The following BLTP2 variants were observed in gnomAD, a reference collection of about 807,000 sequenced individuals.
The protein encoded by BLTP2 is U937-associated antigen.
At chr17:28,624,313 C>G in the BLTP2 span, 1 of 1,614,146 alleles carries the variant, frequency 6.2e-7, no homozygotes, top group South Asian at 1.1e-5. Context: ...CACAACTGGT[C>G]ACTCATGCCT....
the BLTP2 span, chr17:28,640,404 T>C: frequency 2.7e-6 from 2 of 748,992 alleles, no homozygotes; most frequent in Non-Finnish European, 2.2e-6. Flanking sequence ...AAAATAATAA[T>C]AATTTTTTTA....
At chr17:28,615,278 T>G in the BLTP2 span, 6 of 1,537,686 alleles carry the variant, frequency 3.9e-6, no homozygotes, top group South Asian at 7.1e-5. Flanking sequence ...AAAGAAAATG[T>G]AAATATTAGT....
At chr17:28,634,406 A>AC in the BLTP2 span, 2 of 770,598 alleles carry the variant, frequency 2.6e-6, no homozygotes, top group Non-Finnish European at 4.1e-6. Flanking sequence ...CACTCCACCC[A>AC]CCCAAAACGG....
At chr17:28,615,525 A>G in the BLTP2 span, 1 of 990,644 alleles carries the variant, frequency 1.0e-6, no homozygotes, top group South Asian at 1.6e-5. Flanking sequence ...TGGAGAGGGT[A>G]GGCATAGAAG....
At chr17:28,622,104 G>T in the BLTP2 span, among the ~76,000 whole-genome samples, 2 of 152,102 alleles carry the variant, frequency 1.3e-5, no homozygotes, top group Admixed American at 1.3e-4. Flanking sequence ...GGGGCGGGGG[G>T]AAAGAGTTCA....
the BLTP2 span, chr17:28,643,219 C>T: frequency 6.2e-7 from 1 of 1,614,180 alleles, no homozygotes; most frequent in Non-Finnish European, 8.5e-7. Context: ...TTGATCCACC[C>T]CAGCGCTCTG....
the BLTP2 span, chr17:28,616,331 G>T: frequency 6.2e-7 from 1 of 1,613,236 alleles, no homozygotes; most frequent in South Asian, 1.1e-5. This position sits in a 1 kb window ranked among gnomAD's most constrained non-coding sequence, Gnocchi z 4.8. Flanking sequence ...CACCAAACAG[G>T]ACCTCAAGAC....
chr17:28,628,018 T>C, the BLTP2 span, among the ~76,000 whole-genome samples: 1 of 152,166 alleles, frequency 6.6e-6, no homozygotes, highest in African/African-American at 2.4e-5. Context: ...TTCTTTCCCT[T>C]ACTCATCTTG....
chr17:28,645,111 C>CTTGGCCCCG, the BLTP2 span: 1 of 1,505,492 alleles, frequency 6.6e-7, no homozygotes, highest in Non-Finnish European at 9.0e-7. Context: ...CGGGCCCCGA[C>CTTGGCCCCG]GCCGGATCCG....
the BLTP2 span, chr17:28,628,313 C>A: frequency 2.5e-6 from 4 of 1,614,168 alleles, no homozygotes; most frequent in Non-Finnish European, 3.4e-6. Flanking sequence ...GGAGTGTTAA[C>A]ACGAGGTGGG....
At chr17:28,632,953 C>T in the BLTP2 span, 8 of 1,533,248 alleles carry the variant, frequency 5.2e-6, no homozygotes, top group East Asian at 2.3e-5. Flanking sequence ...TCCACTGTGC[C>T]GAGTCAGATC....
At chr17:28,616,361 CA>C in the BLTP2 span, 11 of 1,613,940 alleles carry the variant, frequency 6.8e-6, no homozygotes, top group African/African-American at 1.3e-5. This position sits in a 1 kb window ranked among gnomAD's most constrained non-coding sequence, Gnocchi z 4.8. Context: ...TTTCTATCAT[CA>C]GGGGCATGTT....
At chr17:28,639,287 G>A in the BLTP2 span, 2 of 1,612,548 alleles carry the variant, frequency 1.2e-6, no homozygotes, top group Admixed American at 3.3e-5. Flanking sequence ...CAACTGACAA[G>A]AAGGTGGCTG....
At chr17:28,626,460 G>A in the BLTP2 span, among the ~76,000 whole-genome samples, 1 of 152,164 alleles carries the variant, frequency 6.6e-6, no homozygotes, top group Non-Finnish European at 1.5e-5. Context: ...GTCTTTTTGT[G>A]TGCTGAGTTG....
At chr17:28,643,635 T>C in the BLTP2 span, 3 of 1,614,144 alleles carry the variant, frequency 1.9e-6, no homozygotes, top group South Asian at 2.2e-5. Flanking sequence ...AGGAGTTTGC[T>C]GGAAATCCAC....
At chr17:28,616,429 C>A in the BLTP2 span, 1 of 1,614,162 alleles carries the variant, frequency 6.2e-7, no homozygotes, top group Non-Finnish European at 8.5e-7. This position sits in a 1 kb window ranked among gnomAD's most constrained non-coding sequence, Gnocchi z 4.8. Flanking sequence ...CGAGTCAAAC[C>A]CTGTGCCACA....
At chr17:28,624,431 A>T in the BLTP2 span, 88 of 1,585,678 alleles carry the variant, frequency 5.5e-5, no homozygotes, top group African/African-American at 9.3e-4. Context: ...CACAGTCTCA[A>T]AGGGAAAGAC....
chr17:28,625,059 C>T, the BLTP2 span, among the ~76,000 whole-genome samples: 7 of 152,180 alleles, frequency 4.6e-5, no homozygotes, highest in South Asian at 1.5e-3. Context: ...TTAACGGGGC[C>T]AGGCGCGGTG....
At chr17:28,620,750 CT>C in the BLTP2 span, 2 of 1,156,292 alleles carry the variant, frequency 1.7e-6, no homozygotes, top group Non-Finnish European at 2.5e-6. Context: ...GTGAGAGTTG[CT>C]CATGGGCAGA....
Sources: allele counts gnomAD v4.1 joint callset (sites outside exome capture counted in the v4.1 genomes callset), GRCh38; gene constraint gnomAD v4.1.1; non-coding constraint Gnocchi (gnomAD v3.1); transcripts MANE v1.5; gene names NCBI Gene and HGNC (gene_info 2026-07-23, HGNC 2026-07-21).